STXBP3: variants seen among roughly 807,000 people sequenced by gnomAD.
STXBP3 encodes syntaxin-binding protein 3.
A neutral mutation model predicts 85.7 loss-of-function variants in STXBP3; 41 were observed. The observed-to-expected ratio is 0.48, with a 90% CI of 0.37 to 0.62. The LOEUF (loss-of-function observed/expected upper bound fraction) is 0.62. Among genes scored for constraint, STXBP3 ranks in the 20% least tolerant of loss-of-function variants. STXBP3 has a pLI of 0.00. For synonymous variants in STXBP3, 229 were observed against 231.7 expected, an observed-to-expected ratio of 0.99 and a Z score of 0.10; for missense variants, 563 against 703.1, an observed-to-expected ratio of 0.80 and a Z score of 2.25.
rs550365744 is a variant in STXBP3, at chr1:108,805,760, C to T, written c.1536-1641C>T. 9.9e-5 allele frequency among the ~76,000 whole-genome samples: 15 copies of T among 152,240 alleles called. No homozygotes were observed. The East Asian group carries it at 1.2e-3, about 12-fold the overall frequency. On this transcript the variant is annotated intron_variant, in intron 17 of 18. Coordinates refer to ENST00000370008, the MANE Select transcript of STXBP3 (RefSeq NM_007269.4). ...AAAAGTTTGCTATGGGGCTGGGTGC[C>T]GTGGTGCACCCCTGTAAGTCCACCT...
At chr1:108,774,575 A>G (rs1662545430) in intron 7 of STXBP3, among the ~76,000 whole-genome samples, 1 of 150,590 alleles carries the variant, frequency 6.6e-6, no homozygotes, top group African/African-American at 2.4e-5. Flanking sequence ...TAATTCAGGT[A>G]TTACCAGACA....
chr1:108,755,704 G>A (rs879770007), intron 3 of STXBP3, among the ~76,000 whole-genome samples: 1 of 151,972 alleles, frequency 6.6e-6, no homozygotes, highest in Non-Finnish European at 1.5e-5. Context: ...TAGCATGACT[G>A]TAAGACACTC....
Position 108,756,739 on chromosome 1 carries a change from T to C in STXBP3, c.231T>C (p.Ala77=), listed in dbSNP as rs1184499127. The C allele has an allele frequency of 6.3e-6, 10 of 1,596,550 alleles. No homozygotes were observed. The highest frequency in any genetic ancestry group is 8.5e-6 in the Non-Finnish European group (10 of 1,170,518). The change falls in exon 4 of 19, where the codon GCT becomes GCC. Residue 77 remains alanine, a synonymous_variant. Transcript: ENST00000370008. ...GTGAACCTGTCAGACAAATGAAAGC[T>C]CTTTATTTCATCACTCCGACATCAA... ...KNREPVRQMK[A]LYFITPTSKS...
intron 17 of STXBP3, among the ~76,000 whole-genome samples, chr1:108,807,155 A>G (rs1042207213): frequency 2.0e-4 from 30 of 151,920 alleles, no homozygotes; most frequent in African/African-American, 2.7e-4. Flanking sequence ...GGGAGGCTGA[A>G]ACAGGAGAAT....
intron 6 of STXBP3, among the ~76,000 whole-genome samples, chr1:108,763,954 G>T (rs546353601): frequency 9.9e-4 from 150 of 152,036 alleles, no homozygotes; most frequent in African/African-American, 3.5e-3. Context: ...ATGTCAAGGG[G>T]GTTTGTTACA....
rs751400870 is a variant in STXBP3 at position 108,793,157 on chromosome 1, A to ATTTTTTTTTCTTTTTT, written c.964-416_964-415insCTTTTTTTTTTTTTTT. Among the ~76,000 whole-genome samples the ATTTTTTTTTCTTTTTT allele has an allele frequency of 2.7e-4, 18 of 67,508 alleles. 1 individual carries two copies. The highest frequency in any genetic ancestry group is 6.6e-4 in the African/African-American group (11 of 16,586). 44.3% of individuals were successfully genotyped at this position (67,508 alleles called of 152,430 possible). ...CTCACAGCCCCAAGCTCTTATCTCC[A>ATTTTTTTTTCTTTTTT]TTTTTTTTTTTTTTTTTTTTTTTTT... On this transcript the variant is annotated intron_variant, in intron 11 of 18. Coordinates refer to ENST00000370008, the MANE Select transcript of STXBP3 (RefSeq NM_007269.4).
chr1:108,771,525 ATATATC>A (rs1662417046), intron 6 of STXBP3, among the ~76,000 whole-genome samples: 1 of 75,336 alleles, frequency 1.3e-5, no homozygotes, highest in African/African-American at 6.5e-5. Context: ...TATATATGAT[ATATATC>A]TATATATATC....
chr1:108,782,612 T>C, intron 10 of STXBP3, 37 bp from the exon 11 acceptor site: 2 of 1,599,302 alleles, frequency 1.3e-6, no homozygotes, highest in Non-Finnish European at 1.7e-6. Flanking sequence ...AAGAATTACA[T>C]CTTAGAAATT....
rs1349093863 is a variant in STXBP3 at position 108,752,300 on chromosome 1, A to T, written c.93A>T (p.Glu31Asp). 6.2e-6 allele frequency: 10 copies of T among 1,611,830 alleles called. No homozygotes were observed. The highest frequency in any genetic ancestry group is 7.6e-6 in the Non-Finnish European group (9 of 1,178,760). Residue 31 changes from glutamate to aspartate, a missense_variant, in exon 2 of 19, where the codon GAA (glutamate) becomes GAT (aspartate). This residue lies in a region of STXBP3 where 37 missense variants were observed against 39.7 expected (regional missense o/e 0.93). Transcript: ENST00000370008. The stretch of plus-strand genomic sequence containing the variant: ...TTGATGACTGCAAGAAAGAAGGCGA[A>T]TGGAAGGTAGAGTTTGCATACCTTG... ...TVFDDCKKEG[E>D]WKIMLLDEFT... is the part of the protein sequence containing the mutation.
intron 11 of STXBP3, among the ~76,000 whole-genome samples, chr1:108,792,340 C>G (rs1483460502): frequency 6.6e-6 from 1 of 151,990 alleles, no homozygotes; most frequent in Non-Finnish European, 1.5e-5. Flanking sequence ...TTGGGAGTTT[C>G]TTTGTTTTTA....
At chr1:108,779,235 T>A in intron 8 of STXBP3, 51 bp from the exon 9 acceptor site, 1 of 1,569,026 alleles carries the variant, frequency 6.4e-7, no homozygotes, top group African/African-American at 1.4e-5. Context: ...AAAACTATGT[T>A]CACACTAAGA....
At position 108,798,198 on chromosome 1, in the gene STXBP3, GCTCT is replaced by G. The variant is rs1331263789; in HGVS notation, c.1414_1417del (p.Ser472GlyfsTer18). 1 of 1,612,688 alleles carries G rather than the reference GCTCT, an allele frequency of 6.2e-7. No individual in the cohort carries two copies. Among genetic ancestry groups the G allele is most frequent in the Non-Finnish European group, 8.5e-7 (1 of 1,179,580 alleles). ...ATCGGTCTGCAGAAGAAACTTTTCA[GCTCT>G]CTCGGTGGACACCTTTTATCAAAGA... is the stretch of plus-strand genomic sequence containing the variant. On this transcript the variant is annotated frameshift_variant, in exon 16 of 19. Coordinates refer to ENST00000370008, the MANE Select transcript of STXBP3 (RefSeq NM_007269.4). LOFTEE classifies it high-confidence loss of function.
chr1:108,802,338 A>G lies in STXBP3; in HGVS notation c.1535+2033A>G, dbSNP rs545066321. The stretch of plus-strand genomic sequence containing the variant: ...CTTGAACCTGGGAGGTGGAGGTTGC[A>G]GTGAGCCAAGATCATGCCACTGCAC... On this transcript the variant is annotated intron_variant, in intron 17 of 18. Coordinates refer to ENST00000370008, the MANE Select transcript of STXBP3 (RefSeq NM_007269.4). 2.0e-3 allele frequency among the ~76,000 whole-genome samples: 308 copies of G among 152,298 alleles called. 1 individual carries two copies. The highest frequency in any genetic ancestry group is 4.0e-3 in the Non-Finnish European group (271 of 68,022).
At position 108,796,677 on chromosome 1, in the gene STXBP3, G is replaced by A; in HGVS notation, c.1307G>A (p.Ser436Asn). The stretch of plus-strand genomic sequence containing the variant: ...CAGAATGTAAAGATAGAAAATGAGA[G>A]TGACATGATTCGTAACTGGAGTTAC... ...LIQNVKIENE[S>N]DMIRNWSYLG... Residue 436 changes from serine to asparagine, a missense_variant, in exon 15 of 19, where the codon AGT becomes AAT. By Grantham distance (46) the Ser-to-Asn change is conservative. Transcript: ENST00000370008. The A allele has an allele frequency of 1.2e-6, 2 of 1,613,634 alleles. No individual in the cohort carries two copies. Among genetic ancestry groups the A allele is most frequent in the Non-Finnish European group, 1.7e-6 (2 of 1,179,812 alleles).
intron 11 of STXBP3, among the ~76,000 whole-genome samples, chr1:108,784,373 A>G (rs1662783115): frequency 6.6e-6 from 1 of 152,214 alleles, no homozygotes; most frequent in East Asian, 1.9e-4. Flanking sequence ...AGAAGCCACC[A>G]TGTCACAGGG....
In STXBP3 at chr1:108,796,713, C is replaced by T; in HGVS notation, c.1343C>T (p.Pro448Leu). The T allele has an allele frequency of 1.2e-6, 2 of 1,612,896 alleles. No homozygotes were observed. Among genetic ancestry groups the T allele is most frequent in the Non-Finnish European group, 1.7e-6 (2 of 1,179,542 alleles). The change falls in exon 15 of 19, where the codon CCC (proline) becomes CTC (leucine). Residue 448 changes from proline (P) to leucine (L), a missense_variant. Physicochemically the swap from Pro to Leu is moderately conservative, Grantham distance 98 (BLOSUM62 -3). Coordinates refer to ENST00000370008, the MANE Select transcript of STXBP3 (RefSeq NM_007269.4). ...MIRNWSYLGVPIVPQSQQGKP... is the reference protein window; with the variant it reads ...MIRNWSYLGVLIVPQSQQGKP... Reference sequence around the variant, plus strand: ...CGTAACTGGAGTTACCTTGGTGTTCCCATTGTTCCCCAAGTAAGAAGTCTT... The same window carrying T: ...CGTAACTGGAGTTACCTTGGTGTTCTCATTGTTCCCCAAGTAAGAAGTCTT...
At chr1:108,806,269 G>A (rs1296428356) in intron 17 of STXBP3, among the ~76,000 whole-genome samples, 1 of 152,154 alleles carries the variant, frequency 6.6e-6, no homozygotes, top group Non-Finnish European at 1.5e-5. Context: ...ACAGCCACTA[G>A]CTACATGTGG....
intron 2 of STXBP3, 76 bp downstream of exon 2, chr1:108,752,382 A>T: frequency 7.5e-7 from 1 of 1,339,884 alleles, no homozygotes; most frequent in Non-Finnish European, 1.1e-6. Context: ...ACTACATAGT[A>T]TTTACATGGT....
chr1:108,773,351 G>T (rs897606531), intron 7 of STXBP3, among the ~76,000 whole-genome samples: 2 of 152,104 alleles, frequency 1.3e-5, no homozygotes, highest in African/African-American at 4.8e-5. Flanking sequence ...CACTTAAAAT[G>T]TTGTTGATAG....
Sources: gnomAD v4.1 joint callset for allele counts (sites outside exome capture counted in the v4.1 genomes callset) on GRCh38, gnomAD v4.1.1 for gene constraint, gnomAD v4.1.1 regional missense constraint, MANE v1.5 for transcripts, NCBI Gene and HGNC (gene_info 2026-07-23, HGNC 2026-07-21) for gene names.